Variants in SEPTIN11 observed in about 807,000 individuals in gnomAD.
The protein encoded by SEPTIN11 is septin-11.
A neutral mutation model predicts 51.4 loss-of-function variants in SEPTIN11; 25 were observed. The observed-to-expected ratio is 0.49, with a 90% CI of 0.35 to 0.68. SEPTIN11 has a LOEUF of 0.68. Ranked by LOEUF, SEPTIN11 falls within the 30% of genes least tolerant of loss-of-function variation. The probability of loss-of-function intolerance (pLI) is 0.00; values close to 1 mark genes in which losing one functional copy is unlikely to be tolerated. For missense variants in SEPTIN11, 381 were observed against 520.8 expected (o/e 0.73, Z 2.61); for synonymous variants, 174 against 184.1 (o/e 0.95, Z 0.44).
In SEPTIN11 at chr4:77,036,834, G is replaced by T; in HGVS notation, c.*2322G>T. Reference sequence around the variant, plus strand: ...TCTAATTGGATGTGCTTTCGCCTTTGCATGTAAGTACGGTAGTAAGAAACC... The same window carrying T: ...TCTAATTGGATGTGCTTTCGCCTTTTCATGTAAGTACGGTAGTAAGAAACC... On this transcript the variant is annotated 3_prime_UTR_variant, in exon 10 of 10. Transcript: ENST00000264893. The T allele has an allele frequency of 6.6e-7, 1 of 1,519,728 alleles. No homozygotes were observed. The highest frequency in any genetic ancestry group is 8.8e-7 in the Non-Finnish European group (1 of 1,141,734). The allele number at this position is 1,519,728 out of a possible 1,614,324, so 94.1% of individuals were successfully genotyped here. A position where few individuals can be genotyped will look rare whatever the true frequency, so the allele number is the denominator to read the frequency against.
At position 77,037,552 on chromosome 4, in the gene SEPTIN11, C is replaced by CTT; in HGVS notation, c.*3041_*3042dup. 1 of 985,312 alleles carries CTT rather than the reference C, an allele frequency of 1.0e-6. No individual in the cohort carries two copies. The highest frequency in any genetic ancestry group is 1.2e-6 in the Non-Finnish European group (1 of 829,872). The allele number at this position is 985,312 out of a possible 1,614,324, so 61.0% of individuals were successfully genotyped here. A position where few individuals can be genotyped will look rare whatever the true frequency, so the allele number is the denominator to read the frequency against. ...CTTTATGACCACTTAATTTTTTAAT[C>CTT]TTAGTTTAATGGTCTCTCCCTGGTG... On this transcript the variant is annotated 3_prime_UTR_variant, in exon 10 of 10. Coordinates refer to ENST00000264893, the MANE Select transcript of SEPTIN11 (RefSeq NM_018243.4).
At chr4:76,965,947 A>G (rs972526183) in intron 1 of SEPTIN11, among the ~76,000 whole-genome samples, 2 of 152,236 alleles carry the variant, frequency 1.3e-5, no homozygotes, top group Admixed American at 6.5e-5. Context: ...TTAGAAAAAG[A>G]GCTATATTGA....
In SEPTIN11 at chr4:77,030,968, A is replaced by G; in HGVS notation, c.1272A>G (p.Lys424=). Residue 424 remains lysine, a splice_region_variant and synonymous_variant, in exon 9 of 10, where the codon AAA becomes AAG. Transcript: ENST00000264893. ...AQQTKKDKDK[K]NASFT ...AAACCAAGAAAGACAAGGATAAGAA[A>G]AAGTAAGCAGGTGTCACCCCCCTGT... is the stretch of plus-strand genomic sequence containing the variant. The G allele has an allele frequency of 6.2e-7, 1 of 1,601,454 alleles. No individual in the cohort carries two copies. The highest frequency in any genetic ancestry group is 8.5e-7 in the Non-Finnish European group (1 of 1,177,474).
chr4:76,987,988 C>G (rs1723136130), intron 1 of SEPTIN11: 1 of 200,872 alleles, frequency 5.0e-6, no homozygotes, highest in Non-Finnish European at 8.9e-6. Flanking sequence ...CATCTCAGCT[C>G]TCTTTAAAAT....
intron 1 of SEPTIN11, among the ~76,000 whole-genome samples, chr4:76,960,281 G>A (rs1337771715): frequency 6.6e-6 from 1 of 152,160 alleles, no homozygotes; most frequent in Non-Finnish European, 1.5e-5. Flanking sequence ...TGTTTTCAAA[G>A]CCTTTTCCAA....
At position 77,036,627 on chromosome 4, in the gene SEPTIN11, A is replaced by G; in HGVS notation, c.*2115A>G. On this transcript the variant is annotated 3_prime_UTR_variant, in exon 10 of 10. Transcript: ENST00000264893. ...ATCATATGGCGAGTCAGGGAATAAA[A>G]AGTCAAAAGAAACAAATAGAAGCTT... is the stretch of plus-strand genomic sequence containing the variant. The G allele has an allele frequency of 6.8e-7, 1 of 1,469,660 alleles. No homozygotes were observed. The highest frequency in any genetic ancestry group is 1.5e-5 in the African/African-American group (1 of 68,836). 91.0% of individuals were successfully genotyped at this position (1,469,660 alleles called of 1,614,324 possible).
chr4:76,969,313 C>T (rs1315326162), intron 1 of SEPTIN11, among the ~76,000 whole-genome samples: 1 of 152,102 alleles, frequency 6.6e-6, no homozygotes, highest in Non-Finnish European at 1.5e-5. Flanking sequence ...AATGAGCCTC[C>T]AGAGACCAGT....
At chr4:76,974,984 G>A (rs571420793) in intron 1 of SEPTIN11, among the ~76,000 whole-genome samples, 1 of 152,072 alleles carries the variant, frequency 6.6e-6, no homozygotes, top group South Asian at 2.1e-4. Flanking sequence ...TTAGTCAGGT[G>A]CGGTGACACG....
At chr4:77,001,721 A>G (rs1248415489) in intron 2 of SEPTIN11, among the ~76,000 whole-genome samples, 3 of 152,182 alleles carry the variant, frequency 2.0e-5, no homozygotes, top group Non-Finnish European at 4.4e-5. Context: ...TACTTTAGTC[A>G]TTGACTTTTC....
chr4:76,989,893 G>A (rs912011309), intron 1 of SEPTIN11, among the ~76,000 whole-genome samples: 1 of 152,168 alleles, frequency 6.6e-6, no homozygotes, highest in African/African-American at 2.4e-5. Context: ...GTTTGTTCCT[G>A]CCGGTTGGTT....
chr4:77,027,698 C>T (rs932768592), intron 7 of SEPTIN11, among the ~76,000 whole-genome samples: 5 of 151,976 alleles, frequency 3.3e-5, no homozygotes, highest in African/African-American at 1.2e-4. Context: ...AGGGAAACTA[C>T]AAGACAAAGA....
At chr4:77,039,595 A>G (rs926880397), downstream of SEPTIN11, 12 of 985,348 alleles carry the variant, frequency 1.2e-5, no homozygotes, top group Middle Eastern at 5.2e-4. Flanking sequence ...GATCCGAGCA[A>G]CATTTTCCTT....
Position 77,038,288 on chromosome 4 carries a change from T to C in SEPTIN11, c.*3776T>C, listed in dbSNP as rs1462051212. ...TTCTTAATTTTAAAATATGCTGATA[T>C]GCCTTAAACTGTAGTTGTAGATCCT... On this transcript the variant is annotated 3_prime_UTR_variant, in exon 10 of 10. Transcript: ENST00000264893. 5.1e-6 allele frequency: 5 copies of C among 985,638 alleles called. No individual in the cohort carries two copies. The highest frequency in any genetic ancestry group is 6.0e-6 in the Non-Finnish European group (5 of 829,682). 61.1% of individuals were successfully genotyped at this position (985,638 alleles called of 1,614,324 possible).
chr4:77,034,224 C>T (rs2109989758), intron 9 of SEPTIN11, among the ~76,000 whole-genome samples: 1 of 152,342 alleles, frequency 6.6e-6, no homozygotes, highest in South Asian at 2.1e-4. Context: ...TAAATCCTCC[C>T]ACTAGACATG....
chr4:77,015,655 C>T (rs781297715), intron 5 of SEPTIN11, among the ~76,000 whole-genome samples: 55 of 152,176 alleles, frequency 3.6e-4, no homozygotes, highest in Non-Finnish European at 1.5e-4. Flanking sequence ...TGACTCTGCA[C>T]ATCTTTTTTT....
At chr4:76,952,991 G>A (rs11947360) in intron 1 of SEPTIN11, among the ~76,000 whole-genome samples, 18,237 of 152,258 alleles carry the variant, frequency 0.12, 1,286 homozygotes, top group South Asian at 0.2. Context: ...AACTCTAGGA[G>A]TTGAAAGGAA....
chr4:76,956,633 C>T (rs1721567689), intron 1 of SEPTIN11, among the ~76,000 whole-genome samples: 1 of 152,288 alleles, frequency 6.6e-6, no homozygotes, highest in South Asian at 2.1e-4. Context: ...CATGCTGAAC[C>T]CTGGCTTCTC....
rs60614013 is a variant in SEPTIN11 at position 77,036,659 on chromosome 4, T to A, written c.*2147T>A. The stretch of plus-strand genomic sequence containing the variant: ...AAGAAACAAATAGAAGCTTTTTTTT[T>A]TAAAAAATGTATTGCTTCTGAACTT... On this transcript the variant is annotated 3_prime_UTR_variant, in exon 10 of 10. Coordinates refer to ENST00000264893, the MANE Select transcript of SEPTIN11 (RefSeq NM_018243.4). The A allele has an allele frequency of 4.1e-5, 61 of 1,498,392 alleles. No homozygotes were observed. Among genetic ancestry groups the A allele is most frequent in the South Asian group, 1.4e-4 (11 of 76,224 alleles). The allele number at this position is 1,498,392 out of a possible 1,614,324, so 92.8% of individuals were successfully genotyped here. A position where few individuals can be genotyped will look rare whatever the true frequency, so the allele number is the denominator to read the frequency against.
intron 1 of SEPTIN11, chr4:76,996,044 A>G (rs1249976038): frequency 1.9e-6 from 2 of 1,041,236 alleles, no homozygotes; most frequent in African/African-American, 3.2e-5. Flanking sequence ...TTTCACTATG[A>G]GTTGACAGTA....
Sources: gnomAD v4.1 joint callset for allele counts (sites outside exome capture counted in the v4.1 genomes callset) on GRCh38, gnomAD v4.1.1 for gene constraint, MANE v1.5 for transcripts, NCBI Gene and HGNC (gene_info 2026-07-23, HGNC 2026-07-21) for gene names.